The following GSE1 variants were observed in gnomAD, a reference collection of about 807,000 sequenced individuals.
The protein encoded by GSE1 is Gse1 coiled-coil protein.
GSE1 carries 32 observed loss-of-function variants against 112.6 expected under a neutral mutation model. The ratio of observed to expected loss-of-function variants is 0.28; its 90% CI spans 0.21 to 0.38. GSE1 has a LOEUF of 0.38. GSE1 is among the 10% of genes least tolerant of loss of function. The pLI is 1.00. For synonymous variants in GSE1, 1,115 were observed against 735.6 expected, an observed-to-expected ratio of 1.52 and a Z score of -8.35; for missense variants, 2,348 against 1,699.2, an observed-to-expected ratio of 1.38 and a Z score of -6.71.
At chr16:85,344,680 G>T (rs2046697174) in intron 1 of GSE1, among the ~76,000 whole-genome samples, 1 of 152,238 alleles carries the variant, frequency 6.6e-6, no homozygotes, top group Non-Finnish European at 1.5e-5. Flanking sequence ...CACAGATGGG[G>T]TAGCCAAGGC....
intron 2 of GSE1, among the ~76,000 whole-genome samples, chr16:85,469,581 T>C (rs1161222691): frequency 6.6e-6 from 1 of 152,172 alleles, no homozygotes; most frequent in Non-Finnish European, 1.5e-5. Flanking sequence ...ACCTTACATG[T>C]TTTAAAAATG....
At chr16:85,633,566 C>T (rs2049729215) in intron 1 of GSE1, among the ~76,000 whole-genome samples, 1 of 152,200 alleles carries the variant, frequency 6.6e-6, no homozygotes, top group African/African-American at 2.4e-5. Flanking sequence ...TCTCCTTCCC[C>T]ACGCCATTTG....
chr16:85,229,057 A>G (rs904141507), intron 1 of GSE1, among the ~76,000 whole-genome samples: 2 of 152,228 alleles, frequency 1.3e-5, no homozygotes, highest in African/African-American at 4.8e-5. Context: ...ATCCCCACCA[A>G]GGAGGAAACA....
chr16:85,453,906 T>A (rs1242727904), intron 2 of GSE1, among the ~76,000 whole-genome samples: 2 of 152,126 alleles, frequency 1.3e-5, no homozygotes, highest in African/African-American at 2.4e-5. Context: ...GATGAGCTCC[T>A]CCAGGGCCCC....
chr16:85,387,657 C>A (rs546901431), intron 2 of GSE1, among the ~76,000 whole-genome samples: 32 of 152,352 alleles, frequency 2.1e-4, no homozygotes, highest in African/African-American at 7.7e-4. Flanking sequence ...CTGTCTTGTT[C>A]ATTGATTTTC....
At chr16:85,308,916 G>A (rs1400276060) in intron 1 of GSE1, among the ~76,000 whole-genome samples, 1 of 148,710 alleles carries the variant, frequency 6.7e-6, no homozygotes, top group East Asian at 2.0e-4. Flanking sequence ...GCCATTTAGA[G>A]TGTGACTTGG....
intron 2 of GSE1, among the ~76,000 whole-genome samples, chr16:85,372,446 C>T (rs565547782): frequency 1.4e-5 from 2 of 147,070 alleles, no homozygotes; most frequent in South Asian, 2.2e-4. Context: ...GCACACTGCA[C>T]TCCAACCTGG....
At chr16:85,348,378 T>C (rs1232759285) in intron 1 of GSE1, among the ~76,000 whole-genome samples, 1 of 152,160 alleles carries the variant, frequency 6.6e-6, no homozygotes, top group Non-Finnish European at 1.5e-5. Flanking sequence ...TTTAAAGCTA[T>C]GGGTGGGACT....
At chr16:85,629,899 C>T (rs1329221776) in intron 1 of GSE1, among the ~76,000 whole-genome samples, 1 of 152,198 alleles carries the variant, frequency 6.6e-6, no homozygotes, top group African/African-American at 2.4e-5. Context: ...CTGTCCGCAG[C>T]TCAGTGGCTT....
At chr16:85,192,147 G>A (rs1358780255) in intron 1 of GSE1, among the ~76,000 whole-genome samples, 12 of 152,258 alleles carry the variant, frequency 7.9e-5, no homozygotes, top group Admixed American at 6.5e-4. Flanking sequence ...CACATAGGCA[G>A]TACTGTGGGT....
At chr16:85,591,900 C>A (rs1189982699) in intron 1 of GSE1, among the ~76,000 whole-genome samples, 4 of 152,172 alleles carry the variant, frequency 2.6e-5, no homozygotes, top group Non-Finnish European at 5.9e-5. Context: ...TGTTCTAGAT[C>A]CGCGATGCCC....
chr16:85,325,278 A>G (rs547082433), intron 1 of GSE1, among the ~76,000 whole-genome samples: 6 of 152,184 alleles, frequency 3.9e-5, no homozygotes, highest in East Asian at 1.9e-4. Flanking sequence ...CTAGATCTCA[A>G]TGTCTTAAAA....
chr16:85,566,584 T>C (rs1320081715), intron 1 of GSE1, among the ~76,000 whole-genome samples: 2 of 152,218 alleles, frequency 1.3e-5, no homozygotes, highest in Non-Finnish European at 2.9e-5. Context: ...AAGACTTCAG[T>C]GTCACCCTTA....
At chr16:85,594,323 C>T (rs895982259) in intron 1 of GSE1, 14 of 152,278 alleles carry the variant, frequency 9.2e-5, no homozygotes, top group African/African-American at 3.4e-4. Context: ...ATCTGCTCTC[C>T]ACCGAAGCCT....
intron 1 of GSE1, among the ~76,000 whole-genome samples, chr16:85,632,337 C>G (rs966484268): frequency 1.3e-5 from 2 of 152,152 alleles, no homozygotes; most frequent in African/African-American, 4.8e-5. Context: ...TCGTTCCCGC[C>G]TCTCTGTTCT....
intron 2 of GSE1, among the ~76,000 whole-genome samples, chr16:85,436,457 C>G (rs908328388): frequency 3.9e-5 from 6 of 152,248 alleles, no homozygotes; most frequent in Admixed American, 2.6e-4. Flanking sequence ...TGCCCTCTCC[C>G]TGGTTGATCT....
chr16:85,246,345 GTC>G (rs1567636088), intron 1 of GSE1, among the ~76,000 whole-genome samples: 1 of 26,772 alleles, frequency 3.7e-5, no homozygotes. Flanking sequence ...CCCACACGCT[GTC>G]TACACACACA....
chr16:85,466,689 A>AAT (rs56369721), intron 2 of GSE1, among the ~76,000 whole-genome samples: 1 of 142,230 alleles, frequency 7.0e-6, no homozygotes, highest in Non-Finnish European at 1.6e-5. Flanking sequence ...AAAAAAAAGA[A>AAT]ATATATATAT....
chr16:85,397,695 G>GC (rs2048000307), intron 2 of GSE1, among the ~76,000 whole-genome samples: 1 of 152,226 alleles, frequency 6.6e-6, no homozygotes, highest in African/African-American at 2.4e-5. Context: ...TGGAGGACGC[G>GC]CGTCAGCCTC....
Sources: allele counts gnomAD v4.1 joint callset (sites outside exome capture counted in the v4.1 genomes callset), GRCh38; gene constraint gnomAD v4.1.1; transcripts MANE v1.5; gene names NCBI Gene and HGNC (gene_info 2026-07-23, HGNC 2026-07-21).